PAX5: variants seen among roughly 807,000 people sequenced by gnomAD.
PAX5 encodes paired box 5.
Under a neutral mutation model 43.7 loss-of-function variants are expected in PAX5, and 9 were observed. That is an observed-to-expected ratio of 0.21 (90% CI 0.12 to 0.36). The LOEUF (loss-of-function observed/expected upper bound fraction) is 0.36, where lower values mean the gene tolerates loss of function less well. Among genes scored for constraint, PAX5 ranks in the 10% least tolerant of loss-of-function variants. The probability of loss-of-function intolerance (pLI) is 1.00; values close to 1 mark genes in which losing one functional copy is unlikely to be tolerated. For missense variants in PAX5, 383 were observed against 532.7 expected (o/e 0.72, Z 2.77); for synonymous variants, 228 against 214.3 (o/e 1.06, Z -0.56).
chr9:37,023,620 C>T (rs1047700746), intron 1 of PAX5, among the ~76,000 whole-genome samples: 6 of 151,756 alleles, frequency 4.0e-5, no homozygotes, highest in African/African-American at 1.5e-4. Context: ...GGGCTGGCCT[C>T]CACAGATGCT....
chr9:36,855,596 G>C (rs138489134), intron 8 of PAX5, among the ~76,000 whole-genome samples: 2 of 152,204 alleles, frequency 1.3e-5, no homozygotes, highest in African/African-American at 4.8e-5. Flanking sequence ...CCCTGTGCTG[G>C]GAGTGCCCAC....
intron 5 of PAX5, among the ~76,000 whole-genome samples, chr9:36,988,997 C>T (rs1162554690): frequency 6.6e-6 from 1 of 152,152 alleles, no homozygotes; most frequent in African/African-American, 2.4e-5. Flanking sequence ...AGGCTCAAAC[C>T]CCAGTCTACT....
rs1238538382 is a variant in PAX5, at chr9:36,839,816, G to A, written c.*744C>T. On this transcript the variant is annotated 3_prime_UTR_variant, in exon 10 of 10. Transcript: ENST00000358127. The stretch of plus-strand genomic sequence containing the variant: ...TCTTTGAGTTCTTTGATCTGGAAAA[G>A]AGCTGCTGATACTGCATCGGTCCCA... The A allele has an allele frequency of 4.3e-6, 1 of 233,394 alleles. No homozygotes were observed. Among genetic ancestry groups the A allele is most frequent in the Non-Finnish European group, 8.5e-6 (1 of 118,202 alleles). 14.5% of individuals were successfully genotyped at this position (233,394 alleles called of 1,614,324 possible). A position where few individuals can be genotyped will look rare whatever the true frequency, so the allele number is the denominator to read the frequency against.
intron 7 of PAX5, among the ~76,000 whole-genome samples, chr9:36,892,187 C>G (rs534219136): frequency 6.6e-6 from 1 of 152,196 alleles, no homozygotes; most frequent in Non-Finnish European, 1.5e-5. Flanking sequence ...CCTGCCACGA[C>G]GGGGACTGCT....
chr9:36,927,570 C>T (rs557108985), intron 6 of PAX5, among the ~76,000 whole-genome samples: 28 of 152,212 alleles, frequency 1.8e-4, no homozygotes, highest in Admixed American at 2.0e-4. Flanking sequence ...GCGGGAGGTC[C>T]GAAAATCCAG....
At chr9:36,932,195 C>T (rs1831192360) in intron 6 of PAX5, among the ~76,000 whole-genome samples, 1 of 152,104 alleles carries the variant, frequency 6.6e-6, no homozygotes, top group Non-Finnish European at 1.5e-5. Context: ...ATCACTTGAG[C>T]CCAGGAGGTT....
chr9:36,996,947 G>A (rs1243715720), intron 5 of PAX5, among the ~76,000 whole-genome samples: 2 of 152,180 alleles, frequency 1.3e-5, no homozygotes, highest in African/African-American at 4.8e-5. Flanking sequence ...AAGAAAGCTA[G>A]TGAGAGCTAG....
At chr9:37,014,629 G>T (rs979533743) in intron 3 of PAX5, among the ~76,000 whole-genome samples, 1 of 152,208 alleles carries the variant, frequency 6.6e-6, no homozygotes, top group Non-Finnish European at 1.5e-5. Context: ...CTAAGACCTT[G>T]AGCCTAGGTT....
chr9:36,957,277 A>C (rs1833571353), intron 6 of PAX5, among the ~76,000 whole-genome samples: 1 of 152,190 alleles, frequency 6.6e-6, no homozygotes, highest in Non-Finnish European at 1.5e-5. Context: ...TCTGCTCTAC[A>C]GGGCAGTCAG....
At chr9:36,895,612 T>C (rs1827796074) in intron 7 of PAX5, among the ~76,000 whole-genome samples, 1 of 152,238 alleles carries the variant, frequency 6.6e-6, no homozygotes, top group Non-Finnish European at 1.5e-5. Flanking sequence ...GGAAGCCGCC[T>C]GGCCCATGTA....
chr9:37,027,420 A>G, intron 1 of PAX5, among the ~76,000 whole-genome samples: 1 of 152,102 alleles, frequency 6.6e-6, no homozygotes, highest in East Asian at 1.9e-4. Context: ...CAACTCTTCG[A>G]GCCCCGCCGC....
chr9:36,931,104 C>T (rs1235653116), intron 6 of PAX5, among the ~76,000 whole-genome samples: 2 of 152,132 alleles, frequency 1.3e-5, no homozygotes, highest in African/African-American at 2.4e-5. Flanking sequence ...GTAGGCTCAC[C>T]GCCAGGCCAC....
chr9:37,021,141 TC>T (rs1431601027), intron 1 of PAX5, among the ~76,000 whole-genome samples: 1 of 152,162 alleles, frequency 6.6e-6, no homozygotes, highest in Non-Finnish European at 1.5e-5. Context: ...GATGCTGAGG[TC>T]TAAGGAAGAT....
intron 5 of PAX5, among the ~76,000 whole-genome samples, chr9:36,967,339 G>A (rs1188067880): frequency 6.6e-6 from 1 of 152,224 alleles, no homozygotes; most frequent in Non-Finnish European, 1.5e-5. Context: ...TTGATATAGC[G>A]ATTGCACTTC....
At chr9:36,900,238 G>A (rs892750903) in intron 7 of PAX5, among the ~76,000 whole-genome samples, 67 of 152,356 alleles carry the variant, frequency 4.4e-4, no homozygotes, top group Admixed American at 2.9e-3. Context: ...AGACACGTGC[G>A]TGTGAGTCTT....
In PAX5 at chr9:37,034,098, C is replaced by CTTTTTTTTTTTTTTTTTT. The variant is rs576653546; in HGVS notation, c.-85_-68dup. On this transcript the variant is annotated 5_prime_UTR_variant, in exon 1 of 10. Coordinates refer to ENST00000358127, the MANE Select transcript of PAX5 (RefSeq NM_016734.3). ...TCCACTTTTTTGTGCCTTTTTTTTT[C>CTTTTTTTTTTTTTTTTTT]TTTTTTTTTTTTTTTTTTTTTTTTT... is the stretch of plus-strand genomic sequence containing the variant. 4.2e-4 allele frequency: 136 copies of CTTTTTTTTTTTTTTTTTT among 320,080 alleles called. 12 individuals carry two copies. Among genetic ancestry groups the CTTTTTTTTTTTTTTTTTT allele is most frequent in the South Asian group, 2.4e-3 (80 of 33,892 alleles). The allele number at this position is 320,080 out of a possible 1,614,324, so 19.8% of individuals were successfully genotyped here.
intron 7 of PAX5, among the ~76,000 whole-genome samples, chr9:36,904,349 G>T (rs1391827426): frequency 1.3e-5 from 2 of 152,158 alleles, no homozygotes; most frequent in Non-Finnish European, 2.9e-5. Flanking sequence ...CTTAACATGG[G>T]CATGTGACCC....
At chr9:36,860,691 C>T (rs1287825735) in intron 8 of PAX5, among the ~76,000 whole-genome samples, 8 of 152,196 alleles carry the variant, frequency 5.3e-5, no homozygotes, top group East Asian at 1.9e-4. Context: ...CCAGTTCCCA[C>T]GGCCTCTGAA....
chr9:36,847,689 G>A (rs1822725550), intron 8 of PAX5, among the ~76,000 whole-genome samples: 1 of 152,194 alleles, frequency 6.6e-6, no homozygotes, highest in Admixed American at 6.5e-5. Context: ...GGTGTGATGA[G>A]CATTGTGGGG....
Sources: allele counts gnomAD v4.1 joint callset (sites outside exome capture counted in the v4.1 genomes callset), GRCh38; gene constraint gnomAD v4.1.1; transcripts MANE v1.5; gene names NCBI Gene and HGNC (gene_info 2026-07-23, HGNC 2026-07-21).